PDE4B: variants seen among roughly 807,000 people sequenced by gnomAD.
PDE4B encodes the protein 3',5'-cyclic-AMP phosphodiesterase 4B.
PDE4B carries 20 observed loss-of-function variants against 82.2 expected under a neutral mutation model. That is an observed-to-expected ratio of 0.24 (90% CI 0.17 to 0.35). The LOEUF (loss-of-function observed/expected upper bound fraction) is 0.35. PDE4B is among the 10% of genes least tolerant of loss of function. PDE4B has a pLI of 1.00. For missense variants in PDE4B, 655 were observed against 907.2 expected, an observed-to-expected ratio of 0.72 and a Z score of 3.57; for synonymous variants, 320 against 318.9, an observed-to-expected ratio of 1.00 and a Z score of -0.04.
intron 3 of PDE4B, among the ~76,000 whole-genome samples, chr1:65,962,007 G>A (rs974373945): frequency 1.3e-5 from 2 of 152,162 alleles, no homozygotes; most frequent in African/African-American, 4.8e-5. Flanking sequence ...ATTATAAGTT[G>A]AAAATATTGT....
At chr1:65,950,657 T>C (rs1029221422) in intron 3 of PDE4B, among the ~76,000 whole-genome samples, 3 of 152,070 alleles carry the variant, frequency 2.0e-5, no homozygotes, top group Admixed American at 1.3e-4. Context: ...TGGCCTTGTG[T>C]ATCCCATGCC....
At chr1:66,318,614 G>C (rs1297154570) in intron 7 of PDE4B, among the ~76,000 whole-genome samples, 2 of 152,144 alleles carry the variant, frequency 1.3e-5, no homozygotes, top group East Asian at 3.9e-4. Context: ...TTATGACCTA[G>C]AATAGTGCTT....
intron 1 of PDE4B, among the ~76,000 whole-genome samples, chr1:65,838,035 A>G (rs1352207445): frequency 6.6e-6 from 1 of 152,200 alleles, no homozygotes; most frequent in African/African-American, 2.4e-5. Flanking sequence ...TTTGGATATA[A>G]AACATCATTG....
At position 66,200,246 on chromosome 1, in the gene PDE4B, T is replaced by C. The variant is rs564997218; in HGVS notation, c.282-47214T>C. 2.9e-3 allele frequency among the ~76,000 whole-genome samples: 446 copies of C among 152,352 alleles called. 2 individuals carry two copies. The highest frequency in any genetic ancestry group is 0.01 in the African/African-American group (434 of 41,572). The stretch of plus-strand genomic sequence containing the variant: ...CAGTACCATGCTGTTTTGGTTACTG[T>C]AGCCTTATAGTATAGTTTGAAGTCA... On this transcript the variant is annotated intron_variant, in intron 3 of 16. Coordinates refer to ENST00000341517, the MANE Select transcript of PDE4B (RefSeq NM_002600.4).
At chr1:66,316,133 A>G (rs900453788) in intron 7 of PDE4B, among the ~76,000 whole-genome samples, 1 of 152,238 alleles carries the variant, frequency 6.6e-6, no homozygotes, top group African/African-American at 2.4e-5. Flanking sequence ...GAGTAAATTC[A>G]ATTTAGTAAA....
chr1:65,933,197 A>G (rs1232792322), intron 3 of PDE4B, among the ~76,000 whole-genome samples: 1 of 152,224 alleles, frequency 6.6e-6, no homozygotes, highest in East Asian at 1.9e-4. Context: ...GAATTTTCAA[A>G]GTAGCAACAG....
In PDE4B at chr1:65,813,235, T is replaced by A. The variant is rs149006361; in HGVS notation, c.-71+19987T>A. Among the ~76,000 whole-genome samples, 740 of 152,334 alleles carry A rather than the reference T, an allele frequency of 4.9e-3. 7 individuals are homozygous for A. The highest frequency in any genetic ancestry group is 0.017 in the African/African-American group (702 of 41,578). ...TGTCAAATGCATGCCACTTAACTAA[T>A]CGTGGGAGGTCACTATAATTACCAT... On this transcript the variant is annotated intron_variant, in intron 1 of 16. Coordinates refer to ENST00000341517, the MANE Select transcript of PDE4B (RefSeq NM_002600.4).
At chr1:65,883,436 C>T (rs886810114) in intron 1 of PDE4B, among the ~76,000 whole-genome samples, 1 of 152,008 alleles carries the variant, frequency 6.6e-6, no homozygotes, top group African/African-American at 2.4e-5. Context: ...TGGGAGTTCA[C>T]TCATGATTTG....
intron 3 of PDE4B, among the ~76,000 whole-genome samples, chr1:65,937,212 A>G (rs769972451): frequency 3.9e-5 from 6 of 152,146 alleles, no homozygotes; most frequent in Admixed American, 6.6e-5. Flanking sequence ...AGCATCTATT[A>G]ACTTAGGTGT....
chr1:66,031,272 A>G (rs943309148), intron 3 of PDE4B, among the ~76,000 whole-genome samples: 1 of 152,210 alleles, frequency 6.6e-6, no homozygotes, highest in African/African-American at 2.4e-5. Context: ...TGGATTAATA[A>G]AAACCCAATT....
At chr1:66,173,328 AC>A (rs1259482089) in intron 3 of PDE4B, among the ~76,000 whole-genome samples, 2 of 152,208 alleles carry the variant, frequency 1.3e-5, no homozygotes, top group Non-Finnish European at 2.9e-5. Flanking sequence ...GCTGTGAGGG[AC>A]CATAAAGATA....
At chr1:66,108,447 C>T (rs529128669) in intron 3 of PDE4B, among the ~76,000 whole-genome samples, 4 of 151,918 alleles carry the variant, frequency 2.6e-5, no homozygotes, top group South Asian at 2.1e-4. Context: ...TAGACAAATG[C>T]TATTGCATCA....
intron 1 of PDE4B, among the ~76,000 whole-genome samples, chr1:65,797,549 G>GCTTC: frequency 6.6e-6 from 1 of 152,290 alleles, no homozygotes; most frequent in Non-Finnish European, 1.5e-5. Context: ...TTTGTCTGGT[G>GCTTC]CTTCCGGGGC....
chr1:66,305,413 T>C (rs916997696), intron 7 of PDE4B, among the ~76,000 whole-genome samples: 10 of 152,178 alleles, frequency 6.6e-5, no homozygotes, highest in Admixed American at 6.6e-4. Context: ...TAGTTAAATT[T>C]GAATTTCAGA....
chr1:66,100,120 C>T (rs1645192964), intron 3 of PDE4B, among the ~76,000 whole-genome samples: 1 of 151,584 alleles, frequency 6.6e-6, no homozygotes, highest in Non-Finnish European at 1.5e-5. Flanking sequence ...GTGGTGGGAT[C>T]TCGGCTCACT....
chr1:65,839,351 T>C (rs1403014027), intron 1 of PDE4B, among the ~76,000 whole-genome samples: 1 of 152,082 alleles, frequency 6.6e-6, no homozygotes, highest in Non-Finnish European at 1.5e-5. Flanking sequence ...ACATGTGCCA[T>C]GGTGGTTTGC....
intron 3 of PDE4B, among the ~76,000 whole-genome samples, chr1:66,050,344 T>C (rs1377173469): frequency 6.6e-6 from 1 of 152,070 alleles, no homozygotes; most frequent in African/African-American, 2.4e-5. Flanking sequence ...AGTGACATCA[T>C]TTAGCAGAAA....
In PDE4B at chr1:65,824,533, A is replaced by C. The variant is rs142723130; in HGVS notation, c.-71+31285A>C. 3.7e-4 allele frequency among the ~76,000 whole-genome samples: 56 copies of C among 151,912 alleles called. No homozygotes were observed. The East Asian group carries it at 0.01, about 27-fold the overall frequency. On this transcript the variant is annotated intron_variant, in intron 1 of 16. Transcript: ENST00000341517. ...ATATTAGAGGATTGATTATGTGGAA[A>C]TATAAAGGAATAAGACTGAATTTCT...
At chr1:65,997,584 G>T (rs943110561) in intron 3 of PDE4B, among the ~76,000 whole-genome samples, 5 of 152,120 alleles carry the variant, frequency 3.3e-5, no homozygotes, top group Admixed American at 6.6e-5. Context: ...CTGAATCTGT[G>T]CTAGTAATAT....
Sources: allele counts gnomAD v4.1 joint callset (sites outside exome capture counted in the v4.1 genomes callset), GRCh38; gene constraint gnomAD v4.1.1; transcripts MANE v1.5; gene names NCBI Gene and HGNC (gene_info 2026-07-23, HGNC 2026-07-21).